ERC2: variants seen among roughly 807,000 people sequenced by gnomAD.
ERC2 encodes the protein ERC protein 2.
ERC2 carries 42 observed loss-of-function variants against 114.8 expected under a neutral mutation model. The ratio of observed to expected loss-of-function variants is 0.37; its 90% CI spans 0.29 to 0.47. The LOEUF is 0.47. Ranked by LOEUF, ERC2 falls within the 20% of genes least tolerant of loss-of-function variation. The pLI, the probability that ERC2 is intolerant of heterozygous loss-of-function variation, is 0.99. For synonymous variants in ERC2, 454 were observed against 425.5 expected, an observed-to-expected ratio of 1.07 and a Z score of -0.82; for missense variants, 939 against 1,150.7, an observed-to-expected ratio of 0.82 and a Z score of 2.66.
At chr3:55,842,617 A>AT (rs544175255) in intron 14 of ERC2, among the ~76,000 whole-genome samples, 56 of 146,898 alleles carry the variant, frequency 3.8e-4, no homozygotes, top group Admixed American at 1.2e-3. Context: ...TGGGGTGGAA[A>AT]TTTTTTTTTT....
At chr3:56,412,908 G>A (rs988636112) in intron 2 of ERC2, among the ~76,000 whole-genome samples, 1 of 152,156 alleles carries the variant, frequency 6.6e-6, no homozygotes, top group African/African-American at 2.4e-5. Flanking sequence ...AAAATGGATA[G>A]ACATATTAAC....
chr3:56,392,433 G>T (rs919195023), intron 2 of ERC2, among the ~76,000 whole-genome samples: 1 of 152,154 alleles, frequency 6.6e-6, no homozygotes, highest in African/African-American at 2.4e-5. Context: ...ATTTAGAAAG[G>T]AAGAGGTGGG....
At chr3:56,457,301 G>A (rs1420797581) in intron 1 of ERC2, among the ~76,000 whole-genome samples, 27 of 152,182 alleles carry the variant, frequency 1.8e-4, no homozygotes, top group Non-Finnish European at 2.9e-5. Flanking sequence ...TCTTTCACCA[G>A]CAGATATTTT....
intron 3 of ERC2, among the ~76,000 whole-genome samples, chr3:56,257,542 G>A (rs78658661): frequency 6.6e-6 from 1 of 152,286 alleles, no homozygotes; most frequent in East Asian, 1.9e-4. Flanking sequence ...AGCAATACTT[G>A]AGGAATTTAC....
chr3:56,361,824 T>C (rs1221538891), intron 2 of ERC2, among the ~76,000 whole-genome samples: 1 of 152,126 alleles, frequency 6.6e-6, no homozygotes, highest in Admixed American at 6.5e-5. Context: ...GCATCGTAAA[T>C]CATACACAGG....
chr3:55,589,355 G>T (rs1210569430), intron 17 of ERC2, among the ~76,000 whole-genome samples: 1 of 152,078 alleles, frequency 6.6e-6, no homozygotes, highest in Non-Finnish European at 1.5e-5. Context: ...TTACTGTGAT[G>T]GTGACTCTGT....
At chr3:56,388,114 G>A (rs894534599) in intron 2 of ERC2, among the ~76,000 whole-genome samples, 1 of 151,958 alleles carries the variant, frequency 6.6e-6, no homozygotes, top group South Asian at 2.1e-4. Context: ...ACCAACATGG[G>A]CTAAGGACTA....
intron 14 of ERC2, among the ~76,000 whole-genome samples, chr3:55,782,879 A>C (rs986491294): frequency 1.6e-4 from 24 of 152,230 alleles, no homozygotes; most frequent in African/African-American, 5.8e-4. Context: ...AGTATTTGAC[A>C]AATAAATGTG....
intron 14 of ERC2, among the ~76,000 whole-genome samples, chr3:55,783,709 A>G (rs371120181): frequency 7.6e-6 from 1 of 131,990 alleles, no homozygotes; most frequent in Middle Eastern, 3.6e-3. Context: ...GAGAATATAG[A>G]AAAAAAAATA....
chr3:56,369,890 T>C (rs952240224), intron 2 of ERC2, among the ~76,000 whole-genome samples: 2 of 152,064 alleles, frequency 1.3e-5, no homozygotes, highest in Admixed American at 1.3e-4. Context: ...TTGGCCAGGA[T>C]GGTCTCGATC....
At chr3:56,055,664 G>C (rs1576736023) in intron 7 of ERC2, among the ~76,000 whole-genome samples, 3 of 152,320 alleles carry the variant, frequency 2.0e-5, no homozygotes, top group African/African-American at 7.2e-5. Context: ...ATGGAGGCTG[G>C]CTTCCAAATC....
chr3:56,292,905 C>A (rs1266625499), intron 3 of ERC2, among the ~76,000 whole-genome samples: 24 of 152,140 alleles, frequency 1.6e-4, no homozygotes, highest in Admixed American at 1.6e-3. Flanking sequence ...AAAATTAGCC[C>A]CACCCACATC....
At chr3:56,229,862 CTTTTTTTTTTTTT>C (rs34357962) in intron 3 of ERC2, among the ~76,000 whole-genome samples, 12 of 56,630 alleles carry the variant, frequency 2.1e-4, no homozygotes, top group East Asian at 1.2e-3. Flanking sequence ...AATATCTAGT[CTTTTTTTTTTTTT>C]TTTTTTTTTT....
intron 12 of ERC2, among the ~76,000 whole-genome samples, chr3:55,957,814 C>G (rs2068066613): frequency 6.6e-6 from 1 of 152,178 alleles, no homozygotes; most frequent in Admixed American, 6.5e-5. Flanking sequence ...ACTGCGGGCA[C>G]CAGGAAATGC....
intron 2 of ERC2, among the ~76,000 whole-genome samples, chr3:56,311,282 T>C (rs1296913747): frequency 0.018 from 2,368 of 135,058 alleles, 84 homozygotes; most frequent in Non-Finnish European, 0.019. Context: ...TATATATATA[T>C]ATATATATAC....
chr3:55,896,555 T>C (rs1472857545), intron 13 of ERC2, among the ~76,000 whole-genome samples: 1 of 152,236 alleles, frequency 6.6e-6, no homozygotes, highest in Non-Finnish European at 1.5e-5. Flanking sequence ...CAGACAATAA[T>C]ATTTCCTGGG....
chr3:56,382,944 C>T (rs188002728), intron 2 of ERC2, among the ~76,000 whole-genome samples: 15 of 152,242 alleles, frequency 9.9e-5, no homozygotes, highest in Non-Finnish European at 2.2e-4. Flanking sequence ...AATCTGCTTC[C>T]TTGTACTTTC....
At chr3:56,051,789 G>T (rs2075778103) in intron 7 of ERC2, among the ~76,000 whole-genome samples, 2 of 150,516 alleles carry the variant, frequency 1.3e-5, no homozygotes, top group South Asian at 4.2e-4. Context: ...TCGCGCCACT[G>T]CACTCCAGCC....
chr3:55,752,987 T>C (rs1575488962), intron 14 of ERC2, among the ~76,000 whole-genome samples: 1 of 152,168 alleles, frequency 6.6e-6, no homozygotes, highest in South Asian at 2.1e-4. Context: ...TTTCATTTGA[T>C]TGTATATTTA....
Sources: gnomAD v4.1 joint callset for allele counts (sites outside exome capture counted in the v4.1 genomes callset) on GRCh38, gnomAD v4.1.1 for gene constraint, MANE v1.5 for transcripts, NCBI Gene and HGNC (gene_info 2026-07-23, HGNC 2026-07-21) for gene names.